PSMD11: variants seen among roughly 807,000 people sequenced by gnomAD.
PSMD11 encodes 26S proteasome non-ATPase regulatory subunit 11.
Under a neutral mutation model 62.3 loss-of-function variants are expected in PSMD11, and 5 were observed. That is an observed-to-expected ratio of 0.08 (90% CI 0.04 to 0.17). The LOEUF (loss-of-function observed/expected upper bound fraction) is 0.17, where lower values mean the gene tolerates loss of function less well. PSMD11 is among the 10% of genes least tolerant of loss of function. The pLI is 1.00. For missense variants in PSMD11, 310 were observed against 512.9 expected (o/e 0.60, Z 3.82); for synonymous variants, 191 against 191.8 (o/e 1.00, Z 0.03).
chr17:32,444,850 G>A (rs1039244677), intron 1 of PSMD11: 5 of 569,772 alleles, frequency 8.8e-6, no homozygotes, highest in Non-Finnish European at 1.5e-5. Context: ...CTCACGGGGG[G>A]CTCAGCGTAG....
intron 6 of PSMD11, among the ~76,000 whole-genome samples, chr17:32,470,159 C>T (rs768008354): frequency 5.3e-5 from 8 of 151,954 alleles, no homozygotes; most frequent in Non-Finnish European, 8.8e-5. Flanking sequence ...ACTACAGGAG[C>T]GCGACACCAT....
chr17:32,469,281 T>C (rs1567856630), intron 6 of PSMD11, 88 bp downstream of exon 6: 4 of 1,370,524 alleles, frequency 2.9e-6, no homozygotes, highest in Non-Finnish European at 3.9e-6. Flanking sequence ...GGCTGGAGAA[T>C]AAAATTGGCT....
Position 32,468,888 on chromosome 17 carries a change from T to A in PSMD11, c.449-111T>A, listed in dbSNP as rs534776767. ...GGGTCTAGAGGTAACCTTTTTTGAG[T>A]TCAGGAATTTTTTTTTTTTTTTAAT... On this transcript the variant is annotated intron_variant, in intron 5 of 13. Transcript: ENST00000261712. 2.7e-5 allele frequency: 29 copies of A among 1,080,900 alleles called. No individual in the cohort carries two copies. In the African/African-American group the frequency reaches 4.5e-4, roughly 17 times the overall value. 67.0% of individuals were successfully genotyped at this position (1,080,900 alleles called of 1,614,324 possible).
intron 7 of PSMD11, 140 bp from the exon 8 acceptor site, chr17:32,474,624 A>G (rs1332290747): frequency 2.6e-6 from 2 of 771,630 alleles, no homozygotes; most frequent in South Asian, 1.5e-5. Context: ...TGATGGGCAT[A>G]TGGGTTTAGG....
Position 32,477,572 on chromosome 17 carries a change from G to C in PSMD11, c.901G>C (p.Asp301His). ...GGCTAGCAAGAACAGATCACTGGCA[G>C]ATTTTGAAAAGGTGAGTATGATATT... The part of the protein sequence containing the change: ...AQASKNRSLA[D>H]FEKALTDYRA... Residue 301 changes from aspartate (D) to histidine (H), a missense_variant, in exon 9 of 14, where the codon GAT becomes CAT. Coordinates refer to ENST00000261712, the MANE Select transcript of PSMD11 (RefSeq NM_002815.4). The C allele has an allele frequency of 6.2e-7, 1 of 1,611,432 alleles. No homozygotes were observed. Among genetic ancestry groups the C allele is most frequent in the Non-Finnish European group, 8.5e-7 (1 of 1,178,046 alleles).
At position 32,482,569 on chromosome 17, in the gene PSMD11, G is replaced by C. The variant is rs1225969012; in HGVS notation, c.*1817G>C. On this transcript the variant is annotated 3_prime_UTR_variant, in exon 14 of 14. Transcript: ENST00000261712. ...AGAAAGTTGGTGTGTGAGTTCTGAG[G>C]TTGGAAATGAGTTCAGGTGTCTTCT... The C allele has an allele frequency of 6.6e-6, 1 of 152,298 alleles. No homozygotes were observed. The highest frequency in any genetic ancestry group is 1.9e-4 in the East Asian group (1 of 5,196). The allele number at this position is 152,298 out of a possible 1,614,324, so 9.4% of individuals were successfully genotyped here. A position where few individuals can be genotyped will look rare whatever the true frequency, so the allele number is the denominator to read the frequency against.
chr17:32,469,330 C>A, intron 6 of PSMD11, 137 bp downstream of exon 6: 1 of 864,588 alleles, frequency 1.2e-6, no homozygotes, highest in Non-Finnish European at 1.7e-6. Flanking sequence ...AGTTAGAAAG[C>A]TACCTTTCTA....
intron 2 of PSMD11, among the ~76,000 whole-genome samples, chr17:32,451,420 T>G (rs1472007300): frequency 6.6e-6 from 1 of 152,234 alleles, no homozygotes; most frequent in Non-Finnish European, 1.5e-5. Flanking sequence ...TCTAACAGTT[T>G]CTTTTATTAT....
intron 2 of PSMD11, among the ~76,000 whole-genome samples, chr17:32,451,165 A>G (rs1365999643): frequency 1.3e-5 from 2 of 152,016 alleles, no homozygotes; most frequent in Non-Finnish European, 2.9e-5. Flanking sequence ...TAGGGGGACA[A>G]CTAAGAGATC....
intron 3 of PSMD11, among the ~76,000 whole-genome samples, chr17:32,461,528 G>A (rs1022900860): frequency 2.0e-5 from 3 of 147,516 alleles, no homozygotes; most frequent in Admixed American, 6.9e-5. Flanking sequence ...CTGAGATTGC[G>A]CCATTGCACT....
chr17:32,446,873 T>A lies in PSMD11; in HGVS notation c.92-72T>A, dbSNP rs371306285. 12 of 1,006,612 alleles carry A rather than the reference T, an allele frequency of 1.2e-5. No individual in the cohort carries two copies. In the East Asian group the frequency reaches 1.3e-4, roughly 11 times the overall value. The allele number at this position is 1,006,612 out of a possible 1,614,324, so 62.4% of individuals were successfully genotyped here. On this transcript the variant is annotated intron_variant, in intron 1 of 13. Coordinates refer to ENST00000261712, the MANE Select transcript of PSMD11 (RefSeq NM_002815.4). ...ATGTTTGAGTTTGTAATGGATCTTA[T>A]GAGGGTGAAATTTCCCTCAGTCTTC...
chr17:32,455,391 T>G (rs1015197187), intron 3 of PSMD11, among the ~76,000 whole-genome samples: 2 of 152,224 alleles, frequency 1.3e-5, no homozygotes, highest in African/African-American at 4.8e-5. Context: ...ACACAGTCAC[T>G]GTTGTCATGA....
At position 32,477,538 on chromosome 17, in the gene PSMD11, C is replaced by T. The variant is rs1374493158; in HGVS notation, c.867C>T (p.Cys289=). The change falls in exon 9 of 14, where the codon TGC becomes TGT. Residue 289 remains cysteine (C), a synonymous_variant. Transcript: ENST00000261712. ...YAGRQTEALK[C]VAQASKNRSL... is the part of the protein sequence containing the mutation. The stretch of plus-strand genomic sequence containing the variant: ...ATTCTCAGACAGAAGCATTAAAATG[C>T]GTGGCTCAGGCTAGCAAGAACAGAT... 15 of 1,606,278 alleles carry T rather than the reference C, an allele frequency of 9.3e-6. No homozygotes were observed. The highest frequency in any genetic ancestry group is 1.3e-5 in the African/African-American group (1 of 74,638).
At chr17:32,470,315 T>A (rs1377551813) in intron 6 of PSMD11, among the ~76,000 whole-genome samples, 4 of 139,080 alleles carry the variant, frequency 2.9e-5, no homozygotes, top group Admixed American at 7.0e-5. Context: ...TTTGTTTCTG[T>A]TTTTTTTTTT....
chr17:32,474,857 T>G (rs761255568), intron 8 of PSMD11, 33 bp downstream of exon 8: 1 of 1,586,568 alleles, frequency 6.3e-7, no homozygotes, highest in South Asian at 1.1e-5. Context: ...TTCTGCTCAC[T>G]CTGAGACCAG....
intron 2 of PSMD11, among the ~76,000 whole-genome samples, chr17:32,450,850 G>A (rs1907472034): frequency 6.6e-6 from 1 of 152,016 alleles, no homozygotes; most frequent in Admixed American, 6.6e-5. Flanking sequence ...TTGAAGCCAG[G>A]AGTTATGTGG....
chr17:32,460,634 G>A (rs1355587012), intron 3 of PSMD11, among the ~76,000 whole-genome samples: 1 of 151,878 alleles, frequency 6.6e-6, no homozygotes, highest in East Asian at 1.9e-4. Flanking sequence ...TTAGCCAGGT[G>A]TGGTGGCGGG....
chr17:32,466,579 CTT>C (rs1245940800), intron 5 of PSMD11, among the ~76,000 whole-genome samples: 1 of 152,146 alleles, frequency 6.6e-6, no homozygotes, highest in Non-Finnish European at 1.5e-5. Flanking sequence ...TTGATGGACA[CTT>C]GTGTTGTTTC....
intron 3 of PSMD11, among the ~76,000 whole-genome samples, chr17:32,459,561 A>G (rs1327216926): frequency 2.0e-5 from 3 of 151,902 alleles, no homozygotes; most frequent in Non-Finnish European, 4.4e-5. Flanking sequence ...TTGAATTAAG[A>G]TCTGAGTTTA....
Sources: allele counts gnomAD v4.1 joint callset (sites outside exome capture counted in the v4.1 genomes callset), GRCh38; gene constraint gnomAD v4.1.1; transcripts MANE v1.5; gene names NCBI Gene and HGNC (gene_info 2026-07-23, HGNC 2026-07-21).